CARF: variants seen among roughly 807,000 people sequenced by gnomAD.
CARF encodes the protein calcium responsive transcription factor.
A neutral mutation model predicts 82.0 loss-of-function variants in CARF; 57 were observed. The observed-to-expected ratio is 0.70, with a 90% CI of 0.56 to 0.87. The LOEUF (loss-of-function observed/expected upper bound fraction) is 0.87, where lower values mean the gene tolerates loss of function less well. Ranked by LOEUF, CARF falls within the 40% of genes least tolerant of loss-of-function variation. The pLI is 0.00. For missense variants in CARF, 771 were observed against 855.8 expected (o/e 0.90, Z 1.24); for synonymous variants, 268 against 290.1 (o/e 0.92, Z 0.77).
chr2:202,918,152 C>G (rs886731580), intron 2 of CARF, 109 bp downstream of exon 2: 1 of 313,896 alleles, frequency 3.2e-6, no homozygotes, highest in Non-Finnish European at 6.2e-6. Flanking sequence ...GTGCTTTGTT[C>G]TATTTATGTT....
At chr2:202,978,359 G>T (rs1001392044) in intron 14 of CARF, among the ~76,000 whole-genome samples, 4 of 152,034 alleles carry the variant, frequency 2.6e-5, no homozygotes, top group Admixed American at 6.6e-5. Flanking sequence ...GAAGGAGTAG[G>T]GACTCCTTAA....
At chr2:202,950,597 G>C (rs2058709912) in intron 5 of CARF, among the ~76,000 whole-genome samples, 1 of 152,136 alleles carries the variant, frequency 6.6e-6, no homozygotes, top group South Asian at 2.1e-4. Context: ...TTGGGAGCTA[G>C]TACAGAGTGG....
chr2:202,954,853 CA>C (rs879734415), intron 7 of CARF, among the ~76,000 whole-genome samples: 63 of 139,406 alleles, frequency 4.5e-4, no homozygotes, highest in Middle Eastern at 3.8e-3. Flanking sequence ...ACTAAAAATA[CA>C]AAAAAAAAAA....
At chr2:202,974,650 AC>A (rs2059950706) in intron 13 of CARF, among the ~76,000 whole-genome samples, 154 bp downstream of exon 13, 1 of 151,834 alleles carries the variant, frequency 6.6e-6, no homozygotes, top group African/African-American at 2.4e-5. Context: ...TGTAATCCCA[AC>A]ACTTTGGGAG....
chr2:202,915,700 C>T (rs545199561), intron 1 of CARF, among the ~76,000 whole-genome samples: 1 of 152,184 alleles, frequency 6.6e-6, no homozygotes, highest in South Asian at 2.1e-4. Flanking sequence ...AATCTCCTGA[C>T]CTTGTGATCC....
intron 8 of CARF, among the ~76,000 whole-genome samples, chr2:202,959,282 TTA>T (rs1223040472): frequency 1.3e-5 from 2 of 152,238 alleles, no homozygotes; most frequent in Non-Finnish European, 2.9e-5. Context: ...TTTCATTATT[TTA>T]GAGGAAATTG....
At chr2:202,939,994 G>A (rs1158609642) in intron 3 of CARF, among the ~76,000 whole-genome samples, 1 of 151,648 alleles carries the variant, frequency 6.6e-6, no homozygotes, top group Non-Finnish European at 1.5e-5. Flanking sequence ...CTGGCCCATT[G>A]ACCTAGTTTC....
At position 202,983,573 on chromosome 2, in the gene CARF, G is replaced by C. The variant is rs755437933; in HGVS notation, c.2127G>C (p.Leu709Phe). The stretch of plus-strand genomic sequence containing the variant: ...AACAAGAACCCAAAGAACCAGCATT[G>C]TCTATGGAAGCAAAAAAAACTGTGG... ...QVKQEPKEPALSMEAKKTVDY... is the reference protein window; with the variant it reads ...QVKQEPKEPAFSMEAKKTVDY... Residue 709 changes from leucine (L) to phenylalanine (F), a missense_variant, in exon 17 of 17, where the codon TTG becomes TTC. Physicochemically the swap from Leu to Phe is conservative, Grantham distance 22. Coordinates refer to ENST00000438828, the MANE Select transcript of CARF (RefSeq NM_024744.17). 6 of 1,611,708 alleles carry C rather than the reference G, an allele frequency of 3.7e-6. No individual in the cohort carries two copies. In the East Asian group the frequency reaches 1.3e-4, roughly 36 times the overall value.
intron 13 of CARF, 85 bp from the exon 14 acceptor site, chr2:202,977,184 T>C: frequency 2.0e-6 from 2 of 991,104 alleles, no homozygotes; most frequent in Non-Finnish European, 3.1e-6. Flanking sequence ...ATACTGTGAA[T>C]AAAATATGAC....
At chr2:202,934,070 AT>A (rs938623895) in intron 3 of CARF, among the ~76,000 whole-genome samples, 26 of 152,270 alleles carry the variant, frequency 1.7e-4, no homozygotes, top group Admixed American at 1.4e-3. Context: ...CAAAAAAAAA[AT>A]CTCATAATGT....
At chr2:202,934,104 C>T (rs1294007960) in intron 3 of CARF, among the ~76,000 whole-genome samples, 2 of 152,074 alleles carry the variant, frequency 1.3e-5, no homozygotes, top group South Asian at 4.2e-4. Context: ...TATGAATTTG[C>T]GTTGGGCTGC....
At chr2:202,945,620 C>G (rs987388603) in intron 5 of CARF, among the ~76,000 whole-genome samples, 1 of 152,084 alleles carries the variant, frequency 6.6e-6, no homozygotes, top group Non-Finnish European at 1.5e-5. Flanking sequence ...GCTCCATCTG[C>G]GTTCCCACAA....
intron 5 of CARF, among the ~76,000 whole-genome samples, chr2:202,949,649 C>G (rs1222736945): frequency 6.6e-6 from 1 of 151,236 alleles, no homozygotes; most frequent in Non-Finnish European, 1.5e-5. Context: ...CTCCTGGGTT[C>G]AAGCGATTTT....
At chr2:202,915,231 G>A (rs1689407796) in intron 1 of CARF, among the ~76,000 whole-genome samples, 1 of 151,900 alleles carries the variant, frequency 6.6e-6, no homozygotes, top group Admixed American at 6.6e-5. Flanking sequence ...TGGCCGGGAT[G>A]GTCTCGATCC....
At chr2:202,958,527 C>T (rs575513743) in intron 8 of CARF, among the ~76,000 whole-genome samples, 1 of 152,106 alleles carries the variant, frequency 6.6e-6, no homozygotes, top group South Asian at 2.1e-4. Context: ...TACTCCTGTC[C>T]AACAGACTTG....
intron 3 of CARF, among the ~76,000 whole-genome samples, chr2:202,939,556 C>G (rs759751096): frequency 9.9e-5 from 15 of 151,682 alleles, no homozygotes; most frequent in Admixed American, 5.3e-4. Flanking sequence ...ATTTTTAAGT[C>G]TTTGTCATAC....
chr2:202,931,619 A>G (rs934088310), intron 3 of CARF, among the ~76,000 whole-genome samples: 4 of 152,216 alleles, frequency 2.6e-5, no homozygotes, highest in African/African-American at 9.6e-5. Context: ...AAAGACACTC[A>G]CCTGCAGTTG....
intron 3 of CARF, among the ~76,000 whole-genome samples, chr2:202,930,761 A>G (rs916287292): frequency 2.6e-5 from 4 of 152,050 alleles, no homozygotes; most frequent in Non-Finnish European, 5.9e-5. Flanking sequence ...CTTGATCAAC[A>G]TGGTTTTAAA....
Position 202,954,186 on chromosome 2 carries a change from T to G in CARF, c.557+52T>G, listed in dbSNP as rs894184956. The stretch of plus-strand genomic sequence containing the variant: ...TCTTTTAATATCACCATGGAAATCT[T>G]TTTACAAATTACACATTTAAAGCTG... On this transcript the variant is annotated intron_variant, in intron 7 of 16. Transcript: ENST00000438828. 5 of 1,575,616 alleles carry G rather than the reference T, an allele frequency of 3.2e-6. No individual in the cohort carries two copies. The East Asian group carries it at 1.1e-4, about 36-fold the overall frequency.
Sources: gnomAD v4.1 joint callset for allele counts (sites outside exome capture counted in the v4.1 genomes callset) on GRCh38, gnomAD v4.1.1 for gene constraint, MANE v1.5 for transcripts, NCBI Gene and HGNC (gene_info 2026-07-23, HGNC 2026-07-21) for gene names.